The following FNTB variants were observed in gnomAD, a reference collection of about 807,000 sequenced individuals.
FNTB encodes farnesyltransferase, CAAX box, subunit beta.
In FNTB, 27 loss-of-function variants were observed where a neutral mutation model predicts 59.4. The observed-to-expected ratio is 0.45, with a 90% CI of 0.34 to 0.63. FNTB has a LOEUF of 0.63. Among genes scored for constraint, FNTB ranks in the 20% least tolerant of loss-of-function variants. The pLI, the probability that FNTB is intolerant of heterozygous loss-of-function variation, is 0.02. For missense variants in FNTB, 449 were observed against 559.6 expected (o/e 0.80, Z 1.99); for synonymous variants, 230 against 220.7 (o/e 1.04, Z -0.37).
At chr14:65,040,444 T>C (rs2062322897) in intron 7 of FNTB, among the ~76,000 whole-genome samples, 1 of 151,804 alleles carries the variant, frequency 6.6e-6, no homozygotes, top group Non-Finnish European at 1.5e-5. Flanking sequence ...GTTTTTATTA[T>C]ACTTACATTT....
chr14:64,993,895 G>A (rs916621963), intron 1 of FNTB, among the ~76,000 whole-genome samples: 6 of 147,810 alleles, frequency 4.1e-5, no homozygotes, highest in African/African-American at 1.0e-4. Context: ...CGCTCTTGTC[G>A]CCCAGGCTGG....
Position 65,031,409 on chromosome 14 carries a change from C to T in FNTB, c.606-1201C>T, listed in dbSNP as rs2062079241. ...CTTGGCTCACTGCAACCCCCGCCTC[C>T]CGGGTTCAAGTGGTTCTCCTGCCTC... On this transcript the variant is annotated intron_variant, in intron 6 of 11. Transcript: ENST00000246166. This position sits in a 1 kb window ranked among gnomAD's most constrained non-coding sequence, Gnocchi z 4.6. Among the ~76,000 whole-genome samples, 1 of 151,520 alleles carries T rather than the reference C, an allele frequency of 6.6e-6. No individual in the cohort carries two copies.
At chr14:65,037,189 T>C (rs2062211928) in intron 7 of FNTB, among the ~76,000 whole-genome samples, 1 of 151,396 alleles carries the variant, frequency 6.6e-6, no homozygotes, top group Admixed American at 6.6e-5. Context: ...CTGCAACCTC[T>C]GCCTCTCAGG....
In FNTB at chr14:64,994,968, C is replaced by T. The variant is rs1357913777; in HGVS notation, c.144+7871C>T. On this transcript the variant is annotated intron_variant, in intron 1 of 11. Transcript: ENST00000246166. The surrounding 1 kb of genome is among the most constrained non-coding windows in gnomAD (Gnocchi z 4.2). The stretch of plus-strand genomic sequence containing the variant: ...CAGCTTTTTGACCCTTTTGTAATAA[C>T]AGTTTAAAACACAAGCACATTGTAC... Among the ~76,000 whole-genome samples the T allele has an allele frequency of 4.6e-5, 7 of 152,142 alleles. No individual in the cohort carries two copies. Among genetic ancestry groups the T allele is most frequent in the Admixed American group, 2.6e-4 (4 of 15,270 alleles).
Position 65,012,196 on chromosome 14 carries a change from A to T in FNTB, c.210-121A>T. On this transcript the variant is annotated intron_variant, in intron 2 of 11. Transcript: ENST00000246166. The surrounding 1 kb of genome is among the most constrained non-coding windows in gnomAD (Gnocchi z 5.0). ...CAGAGAAGTTGCTGGTTATCCAGTC[A>T]GTGATTGCAGGGGGACGTCCTGAAG... The T allele has an allele frequency of 8.3e-7, 1 of 1,200,380 alleles. No homozygotes were observed. Among genetic ancestry groups the T allele is most frequent in the Non-Finnish European group, 1.2e-6 (1 of 836,050 alleles). 74.4% of individuals were successfully genotyped at this position (1,200,380 alleles called of 1,614,324 possible). A position where few individuals can be genotyped will look rare whatever the true frequency, so the allele number is the denominator to read the frequency against.
At position 65,007,558 on chromosome 14, in the gene FNTB, A is replaced by G. The variant is rs201861895; in HGVS notation, c.209+3245A>G. ...CTGGAGCTGAATGTCAGTACATTCT[A>G]TACTTAATCCCCTTCCCAGAAATGA... is the stretch of plus-strand genomic sequence containing the variant. On this transcript the variant is annotated intron_variant, in intron 2 of 11. Coordinates refer to ENST00000246166, the MANE Select transcript of FNTB (RefSeq NM_002028.4). This position sits in a 1 kb window ranked among gnomAD's most constrained non-coding sequence, Gnocchi z 4.9. 6.6e-6 allele frequency among the ~76,000 whole-genome samples: 1 copy of G among 152,358 alleles called. No individual in the cohort carries two copies. The highest frequency in any genetic ancestry group is 1.9e-4 in the East Asian group (1 of 5,180).
chr14:64,989,698 T>A (rs1021598246), intron 1 of FNTB, among the ~76,000 whole-genome samples: 1 of 152,188 alleles, frequency 6.6e-6, no homozygotes, highest in Admixed American at 6.5e-5. Flanking sequence ...TGATTCTCAT[T>A]CATTCAGCAA....
At chr14:65,056,060 GTGCTAT>G in intron 11 of FNTB, among the ~76,000 whole-genome samples, 1 of 151,990 alleles carries the variant, frequency 6.6e-6, no homozygotes, top group South Asian at 2.1e-4. Context: ...GGATGTTTTT[GTGCTAT>G]TGCTACATAC....
intron 1 of FNTB, chr14:65,003,895 G>C (rs964483405): frequency 6.2e-6 from 1 of 160,744 alleles, no homozygotes; most frequent in Non-Finnish European, 1.4e-5. Flanking sequence ...TCCTTATGCT[G>C]TTGAGGCATA....
chr14:65,017,030 C>A (rs2061788499), intron 4 of FNTB, among the ~76,000 whole-genome samples: 1 of 146,284 alleles, frequency 6.8e-6, no homozygotes, highest in East Asian at 2.2e-4. Context: ...TCAAGCGATT[C>A]TCCTGCCTCA....
chr14:65,015,026 C>T (rs2061743803), intron 3 of FNTB, among the ~76,000 whole-genome samples: 1 of 152,154 alleles, frequency 6.6e-6, no homozygotes, highest in Middle Eastern at 3.4e-3. Flanking sequence ...GCTCAGCCTT[C>T]CTTAGATGCC....
rs536811662 is a variant in FNTB at position 64,996,294 on chromosome 14, A to G, written c.145-7955A>G. The stretch of plus-strand genomic sequence containing the variant: ...GGTGAGGCCCATCTCTATTATAAGA[A>G]AGAAAGAAAGACAGAGAGGGGAGAG... On this transcript the variant is annotated intron_variant, in intron 1 of 11. Transcript: ENST00000246166. Among the ~76,000 whole-genome samples the G allele has an allele frequency of 4.6e-5, 7 of 151,742 alleles. No homozygotes were observed. The South Asian group carries it at 1.5e-3, about 31-fold the overall frequency.
rs550089907 is a variant in FNTB, at chr14:65,044,817, T to C, written c.955+374T>C. 1 of 193,042 alleles carries C rather than the reference T, an allele frequency of 5.2e-6. No homozygotes were observed. The highest frequency in any genetic ancestry group is 1.1e-5 in the Non-Finnish European group (1 of 94,816). 12.0% of individuals were successfully genotyped at this position (193,042 alleles called of 1,614,324 possible). A position where few individuals can be genotyped will look rare whatever the true frequency, so the allele number is the denominator to read the frequency against. On this transcript the variant is annotated intron_variant, in intron 9 of 11. Transcript: ENST00000246166. The surrounding 1 kb of genome is among the most constrained non-coding windows in gnomAD (Gnocchi z 5.5). The stretch of plus-strand genomic sequence containing the variant: ...AGGGCAGAGCTGAAAACCCTCAGTG[T>C]TGCAACAGTCACTGTTGCAACAGCA...
chr14:65,002,627 A>T (rs1185244296), intron 1 of FNTB, among the ~76,000 whole-genome samples: 1 of 115,724 alleles, frequency 8.6e-6, no homozygotes, highest in East Asian at 2.0e-4. Context: ...ATAATAAAAT[A>T]AAAAAAAAGA....
In FNTB at chr14:64,997,692, C is replaced by A. The variant is rs1412393282; in HGVS notation, c.145-6557C>A. Among the ~76,000 whole-genome samples the A allele has an allele frequency of 6.6e-6, 1 of 152,134 alleles. No homozygotes were observed. Among genetic ancestry groups the A allele is most frequent in the African/African-American group, 2.4e-5 (1 of 41,424 alleles). ...GAAACAAAGAAGGATGTTGGGGAGG[C>A]CCGGAATGGGGAGGTGACCGGGAAA... is the stretch of plus-strand genomic sequence containing the variant. On this transcript the variant is annotated intron_variant, in intron 1 of 11. Coordinates refer to ENST00000246166, the MANE Select transcript of FNTB (RefSeq NM_002028.4). The surrounding 1 kb of genome is among the most constrained non-coding windows in gnomAD (Gnocchi z 4.5).
intron 4 of FNTB, among the ~76,000 whole-genome samples, chr14:65,018,000 A>T (rs538220000): frequency 1.6e-4 from 24 of 152,192 alleles, no homozygotes; most frequent in Admixed American, 7.9e-4. Context: ...AATAAAACAT[A>T]AGTCATTTAT....
chr14:65,039,310 A>G lies in FNTB; in HGVS notation c.693-1480A>G, dbSNP rs376751553. On this transcript the variant is annotated intron_variant, in intron 7 of 11. Coordinates refer to ENST00000246166, the MANE Select transcript of FNTB (RefSeq NM_002028.4). Reference sequence around the variant, plus strand: ...TACACAGAGGAATGGGGCTGGGGGTATTGTGTTGAGATTACTGACTCTCAC... The same window carrying G: ...TACACAGAGGAATGGGGCTGGGGGTGTTGTGTTGAGATTACTGACTCTCAC... Among the ~76,000 whole-genome samples, 506 of 152,258 alleles carry G rather than the reference A, an allele frequency of 3.3e-3. 22 individuals are homozygous for G. The South Asian group carries it at 0.093, about 28-fold the overall frequency.
At position 65,020,113 on chromosome 14, in the gene FNTB, A is replaced by T. The variant is rs543311958; in HGVS notation, c.374+4397A>T. Reference sequence around the variant, plus strand: ...AAGGTTTCTCTTTCCTATTTTGTTCACTGCTGTGCTTCTATTTGTTTAGGG... The same window carrying T: ...AAGGTTTCTCTTTCCTATTTTGTTCTCTGCTGTGCTTCTATTTGTTTAGGG... On this transcript the variant is annotated intron_variant, in intron 4 of 11. Transcript: ENST00000246166. 1.1e-4 allele frequency among the ~76,000 whole-genome samples: 17 copies of T among 152,296 alleles called. No individual in the cohort carries two copies. In the South Asian group the frequency reaches 3.5e-3, roughly 32 times the overall value.
At position 65,037,403 on chromosome 14, in the gene FNTB, C is replaced by CT. The variant is rs1555335876; in HGVS notation, c.693-3344dup. Among the ~76,000 whole-genome samples the CT allele has an allele frequency of 1.3e-3, 40 of 29,686 alleles. 2 individuals are homozygous for CT. Among genetic ancestry groups the CT allele is most frequent in the Non-Finnish European group, 2.6e-3 (35 of 13,700 alleles). The allele number at this position is 29,686 out of a possible 152,430, so 19.5% of individuals were successfully genotyped here. ...TAGGCGTGAGCCACCACGCCGGGCC[C>CT]TTTTTTTTTTTTTTTTTTTTTTTTT... On this transcript the variant is annotated intron_variant, in intron 7 of 11. Transcript: ENST00000246166.
Sources: allele counts gnomAD v4.1 joint callset (sites outside exome capture counted in the v4.1 genomes callset), GRCh38; gene constraint gnomAD v4.1.1; non-coding constraint Gnocchi (gnomAD v3.1); transcripts MANE v1.5; gene names NCBI Gene and HGNC (gene_info 2026-07-23, HGNC 2026-07-21).